DHRSX: variants seen among roughly 807,000 people sequenced by gnomAD.
DHRSX encodes the protein dehydrogenase/reductase X-linked.
Under a neutral mutation model 34.0 loss-of-function variants are expected in DHRSX, and 31 were observed. The ratio of observed to expected loss-of-function variants is 0.91; its 90% confidence interval spans 0.69 to 1.23. DHRSX has a LOEUF of 1.23. DHRSX is among the 50% of genes most tolerant of loss of function. The pLI is 0.00. For missense variants in DHRSX, 414 were observed against 428.1 expected, an observed-to-expected ratio of 0.97 and a Z score of 0.29; for synonymous variants, 201 against 183.8, an observed-to-expected ratio of 1.09 and a Z score of -0.76.
At chrX:2,347,090 A>G (rs1175542615) in intron 3 of DHRSX, among the ~76,000 whole-genome samples, 2 of 152,162 alleles carry the variant, frequency 1.3e-5, no homozygotes, top group African/African-American at 2.4e-5. Context: ...TAAATAAAGT[A>G]TAAGTATGTT....
At chrX:2,394,431 CTATCGGTGAGGATAGCCGGT>C (rs2043383364) in intron 3 of DHRSX, among the ~76,000 whole-genome samples, 1 of 152,154 alleles carries the variant, frequency 6.6e-6, no homozygotes, top group Non-Finnish European at 1.5e-5. Context: ...GATGTCAGAG[CTATCGGTGAGGATAGCCGGT>C]TAGAGCTACA....
At chrX:2,247,523 G>A (rs1213376737) in intron 5 of DHRSX, among the ~76,000 whole-genome samples, 37 of 151,338 alleles carry the variant, frequency 2.4e-4, no homozygotes, top group Non-Finnish European at 3.5e-4. Flanking sequence ...GCATGGTGGC[G>A]GGCGCCTGTA....
intron 3 of DHRSX, among the ~76,000 whole-genome samples, chrX:2,307,483 C>T (rs1356496513): frequency 2.0e-5 from 3 of 150,844 alleles, no homozygotes; most frequent in South Asian, 2.1e-4. Context: ...CAAACAAGGC[C>T]GGGGGGTGGG....
At chrX:2,461,687 G>A (rs1345105626) in intron 1 of DHRSX, among the ~76,000 whole-genome samples, 5 of 151,858 alleles carry the variant, frequency 3.3e-5, no homozygotes, top group Non-Finnish European at 4.4e-5. Flanking sequence ...GACCACACAC[G>A]CGTGGCACCA....
chrX:2,321,167 A>G lies in DHRSX; in HGVS notation c.287-29564T>C, dbSNP rs192937377. ...ATGCCGAGGGGATGGGAGCATTTAT[A>G]TAAATAAATGTTTGCACTGATTACA... On this transcript the variant is annotated intron_variant, in intron 3 of 6. Coordinates refer to ENST00000334651, the MANE Select transcript of DHRSX (RefSeq NM_145177.3). Among the ~76,000 whole-genome samples the G allele has an allele frequency of 3.6e-4, 55 of 152,230 alleles. No individual in the cohort carries two copies. The South Asian group carries it at 0.011, about 29-fold the overall frequency.
intron 1 of DHRSX, among the ~76,000 whole-genome samples, chrX:2,472,356 C>A (rs2044606242): frequency 6.6e-6 from 1 of 151,982 alleles, no homozygotes; most frequent in Non-Finnish European, 1.5e-5. Flanking sequence ...ATGAGAGGAT[C>A]AAAAAACTAC....
At chrX:2,485,555 G>A (rs903005103) in intron 1 of DHRSX, among the ~76,000 whole-genome samples, 2 of 137,432 alleles carry the variant, frequency 1.5e-5, no homozygotes, top group African/African-American at 2.9e-5. Flanking sequence ...AGGGAGGGAG[G>A]GACAGAGGGA....
At chrX:2,355,338 C>T (rs922383299) in intron 3 of DHRSX, among the ~76,000 whole-genome samples, 4 of 151,804 alleles carry the variant, frequency 2.6e-5, no homozygotes, top group African/African-American at 9.7e-5. Flanking sequence ...ATAGTGAGAG[C>T]CTGTTTCTAC....
At chrX:2,391,431 C>T (rs1186988125) in intron 3 of DHRSX, among the ~76,000 whole-genome samples, 1 of 152,156 alleles carries the variant, frequency 6.6e-6, no homozygotes, top group African/African-American at 2.4e-5. Context: ...AAGGCATAAC[C>T]CAAGATTTAA....
At chrX:2,489,333 G>C (rs766001760) in intron 1 of DHRSX, 1 of 1,613,340 alleles carries the variant, frequency 6.2e-7, no homozygotes. Flanking sequence ...TCGATCTCGG[G>C]CGTCTCCTGG....
At chrX:2,427,879 A>T (rs2043869047) in intron 1 of DHRSX, among the ~76,000 whole-genome samples, 1 of 152,140 alleles carries the variant, frequency 6.6e-6, no homozygotes, top group Non-Finnish European at 1.5e-5. Flanking sequence ...AGACAATTTG[A>T]TTTTTTAAAA....
At chrX:2,265,841 C>G (rs2041454216) in intron 5 of DHRSX, among the ~76,000 whole-genome samples, 1 of 139,888 alleles carries the variant, frequency 7.1e-6, no homozygotes, top group African/African-American at 2.7e-5. Context: ...CACCAGTGTA[C>G]AGCAGACACA....
intron 3 of DHRSX, among the ~76,000 whole-genome samples, chrX:2,300,290 A>G (rs1220827500): frequency 2.0e-5 from 3 of 152,216 alleles, no homozygotes; most frequent in South Asian, 4.1e-4. Context: ...ATGTGACTTT[A>G]TTTGCAGACA....
At chrX:2,456,973 G>A (rs56126813) in intron 1 of DHRSX, among the ~76,000 whole-genome samples, 2,481 of 151,836 alleles carry the variant, frequency 0.016, 83 homozygotes, top group South Asian at 0.13. Flanking sequence ...ATGGGGTCAG[G>A]ACAGTGGCTG....
At chrX:2,454,410 C>T (rs1331535970) in intron 1 of DHRSX, among the ~76,000 whole-genome samples, 2 of 151,776 alleles carry the variant, frequency 1.3e-5, no homozygotes, top group Non-Finnish European at 2.9e-5. Flanking sequence ...ACCTGTAATC[C>T]CAGCTACTCA....
intron 3 of DHRSX, among the ~76,000 whole-genome samples, chrX:2,325,165 G>A (rs1364653613): frequency 1.3e-5 from 2 of 152,102 alleles, no homozygotes; most frequent in Non-Finnish European, 2.9e-5. Flanking sequence ...AGCCAGCTGG[G>A]AGCTTGTACG....
chrX:2,386,727 A>C (rs1326317718), intron 3 of DHRSX, among the ~76,000 whole-genome samples: 2 of 152,186 alleles, frequency 1.3e-5, no homozygotes, highest in Admixed American at 1.3e-4. Context: ...TTTTTGCATA[A>C]GTTTAAATCA....
intron 3 of DHRSX, among the ~76,000 whole-genome samples, chrX:2,306,937 T>C (rs976031279): frequency 4.7e-4 from 71 of 151,746 alleles, no homozygotes; most frequent in African/African-American, 1.6e-3. Context: ...TTTTTTTTTT[T>C]TTTTTGATTG....
chrX:2,321,652 G>A (rs1193791364), intron 3 of DHRSX, among the ~76,000 whole-genome samples: 1 of 151,976 alleles, frequency 6.6e-6, no homozygotes, highest in Non-Finnish European at 1.5e-5. Context: ...CAACCATGGT[G>A]CCACCTGGAT....
Sources: allele counts gnomAD v4.1 joint callset (sites outside exome capture counted in the v4.1 genomes callset), GRCh38; gene constraint gnomAD v4.1.1; transcripts MANE v1.5; gene names NCBI Gene and HGNC (gene_info 2026-07-23, HGNC 2026-07-21).